Variants in CTNNA2 observed in about 807,000 individuals in gnomAD.
CTNNA2 encodes catenin alpha-2.
In CTNNA2, 42 loss-of-function variants were observed where a neutral mutation model predicts 101.0. That is an observed-to-expected ratio of 0.42 (90% CI 0.32 to 0.54). The LOEUF (loss-of-function observed/expected upper bound fraction) is 0.54, where lower values mean the gene tolerates loss of function less well. CTNNA2 is among the 20% of genes least tolerant of loss of function. CTNNA2 has a pLI of 0.14. For missense variants in CTNNA2, 871 were observed against 1,223.1 expected, an observed-to-expected ratio of 0.71 and a Z score of 4.29; for synonymous variants, 450 against 456.4, an observed-to-expected ratio of 0.99 and a Z score of 0.18.
intron 2 of CTNNA2, among the ~76,000 whole-genome samples, chr2:79,303,239 C>A (rs1181932181): frequency 6.6e-6 from 1 of 152,210 alleles, no homozygotes; most frequent in Non-Finnish European, 1.5e-5. Flanking sequence ...GACCCAGGAT[C>A]CACGTCCTGA....
At chr2:79,273,024 G>T (rs1406406056) in intron 2 of CTNNA2, among the ~76,000 whole-genome samples, 3 of 152,022 alleles carry the variant, frequency 2.0e-5, no homozygotes, top group East Asian at 3.9e-4. Flanking sequence ...ATTTAGCAGT[G>T]CCATATCAAG....
chr2:79,819,436 G>A (rs1385442414), intron 3 of CTNNA2, among the ~76,000 whole-genome samples: 2 of 152,066 alleles, frequency 1.3e-5, no homozygotes, highest in African/African-American at 2.4e-5. Context: ...AAAATTACTT[G>A]CATTTTTGTA....
intron 4 of CTNNA2, among the ~76,000 whole-genome samples, chr2:79,476,858 C>T (rs1249947086): frequency 6.6e-6 from 1 of 152,128 alleles, no homozygotes; most frequent in Non-Finnish European, 1.5e-5. Context: ...AACTTAGTGC[C>T]CCAGAAGACA....
chr2:80,524,498 G>A (rs893917051), intron 9 of CTNNA2, among the ~76,000 whole-genome samples: 2 of 152,120 alleles, frequency 1.3e-5, no homozygotes, highest in Non-Finnish European at 2.9e-5. Context: ...ACAGGTGAAA[G>A]TTGTTATAAC....
intron 4 of CTNNA2, among the ~76,000 whole-genome samples, chr2:79,458,831 G>GA (rs986814497): frequency 6.6e-6 from 1 of 151,814 alleles, no homozygotes; most frequent in African/African-American, 2.4e-5. Context: ...TTTTTGCTCC[G>GA]AAAAAGATTA....
At chr2:80,298,758 A>G (rs903055357) in intron 7 of CTNNA2, 1 of 152,206 alleles carries the variant, frequency 6.6e-6, no homozygotes, top group African/African-American at 2.4e-5. Context: ...TGAGAAAACT[A>G]TTTCCTTTTA....
At chr2:79,727,954 C>T (rs1356357580) in intron 2 of CTNNA2, among the ~76,000 whole-genome samples, 1 of 151,924 alleles carries the variant, frequency 6.6e-6, no homozygotes, top group Non-Finnish European at 1.5e-5. Context: ...TTATGTGCCA[C>T]ATTTTCTTAA....
chr2:79,523,829 T>TAGA (rs1480773385), intron 1 of CTNNA2, among the ~76,000 whole-genome samples: 1 of 152,082 alleles, frequency 6.6e-6, no homozygotes, highest in East Asian at 1.9e-4. Flanking sequence ...TTTCCCAGAT[T>TAGA]TCTAGAGGTT....
chr2:79,709,560 TACTC>T (rs1188306388), intron 2 of CTNNA2, among the ~76,000 whole-genome samples: 1 of 152,140 alleles, frequency 6.6e-6, no homozygotes, highest in Non-Finnish European at 1.5e-5. Flanking sequence ...TGGCTGTTAT[TACTC>T]AATAATAATA....
chr2:80,547,086 G>A (rs138068260), intron 11 of CTNNA2, among the ~76,000 whole-genome samples: 23 of 152,334 alleles, frequency 1.5e-4, no homozygotes, highest in African/African-American at 5.0e-4. Flanking sequence ...TGATTTCTGA[G>A]GGGGGCTGTC....
chr2:79,699,757 CCA>C lies in CTNNA2; in HGVS notation c.103-44629_103-44628del, dbSNP rs1308660366. ...GATGCTAAAAGCCGGGAAATATTTT[CCA>C]ATGAAAATTTAGTCCAAAAAGAAAA... On this transcript the variant is annotated intron_variant, in intron 2 of 18. Transcript: ENST00000402739. 2.8e-5 allele frequency among the ~76,000 whole-genome samples: 4 copies of C among 142,244 alleles called. No homozygotes were observed. In the East Asian group the frequency reaches 8.2e-4, roughly 29 times the overall value. The allele number at this position is 142,244 out of a possible 152,430, so 93.3% of individuals were successfully genotyped here.
At chr2:80,618,316 A>AT (rs534225789) in intron 17 of CTNNA2, among the ~76,000 whole-genome samples, 45 of 151,770 alleles carry the variant, frequency 3.0e-4, no homozygotes, top group Admixed American at 1.7e-3. Context: ...TTGCCATTTG[A>AT]TTTTTTCTAC....
chr2:80,637,745 G>T (rs1473706957), intron 18 of CTNNA2, among the ~76,000 whole-genome samples: 1 of 152,020 alleles, frequency 6.6e-6, no homozygotes, highest in Non-Finnish European at 1.5e-5. Context: ...GCTTAGATGA[G>T]AAGAGAAGTG....
chr2:79,238,621 C>T (rs1674586468), intron 2 of CTNNA2, among the ~76,000 whole-genome samples: 1 of 151,962 alleles, frequency 6.6e-6, no homozygotes. Context: ...TTAATTTTTC[C>T]AGTTATTGCT....
intron 7 of CTNNA2, among the ~76,000 whole-genome samples, chr2:80,241,116 C>T (rs1352428144): frequency 6.6e-6 from 1 of 152,108 alleles, no homozygotes; most frequent in Non-Finnish European, 1.5e-5. Flanking sequence ...TTCAATCTGC[C>T]TTCACATTTA....
At chr2:80,480,921 A>T (rs1442223939) in intron 9 of CTNNA2, among the ~76,000 whole-genome samples, 1 of 151,162 alleles carries the variant, frequency 6.6e-6, no homozygotes, top group African/African-American at 2.5e-5. Flanking sequence ...GGAATCCCAC[A>T]CCAAGGAATT....
intron 1 of CTNNA2, among the ~76,000 whole-genome samples, chr2:79,554,411 A>T (rs1483302676): frequency 2.6e-5 from 4 of 152,180 alleles, no homozygotes; most frequent in African/African-American, 9.6e-5. Context: ...CCTGAAAATT[A>T]TGAGAGGACA....
chr2:80,456,331 A>C (rs925313495), intron 9 of CTNNA2, among the ~76,000 whole-genome samples: 2 of 152,188 alleles, frequency 1.3e-5, no homozygotes, highest in Admixed American at 6.5e-5. Context: ...ACTTTGGATG[A>C]TCTGGTATTG....
chr2:79,725,436 C>G (rs1402174467), intron 2 of CTNNA2, among the ~76,000 whole-genome samples: 1 of 152,184 alleles, frequency 6.6e-6, no homozygotes, highest in African/African-American at 2.4e-5. Flanking sequence ...ATCAAAAAAT[C>G]CATCACAAAG....
Sources: gnomAD v4.1 joint callset for allele counts (sites outside exome capture counted in the v4.1 genomes callset) on GRCh38, gnomAD v4.1.1 for gene constraint, MANE v1.5 for transcripts, NCBI Gene and HGNC (gene_info 2026-07-23, HGNC 2026-07-21) for gene names.